The following MAP3K20 variants were observed in gnomAD, a reference collection of about 807,000 sequenced individuals.
The protein encoded by MAP3K20 is HCCS-4.
MAP3K20 carries 40 observed loss-of-function variants against 85.7 expected under a neutral mutation model. That is an observed-to-expected ratio of 0.47 (90% CI 0.36 to 0.61). The LOEUF (loss-of-function observed/expected upper bound fraction) is 0.61, where lower values mean the gene tolerates loss of function less well. Ranked by LOEUF, MAP3K20 falls within the 20% of genes least tolerant of loss-of-function variation. The pLI, the probability that MAP3K20 is intolerant of heterozygous loss-of-function variation, is 0.00. For synonymous variants in MAP3K20, 325 were observed against 327.7 expected (o/e 0.99, Z 0.09); for missense variants, 817 against 961.7 (o/e 0.85, Z 1.99).
At chr2:173,173,477 A>G (rs1690067374) in intron 3 of MAP3K20, among the ~76,000 whole-genome samples, 1 of 152,252 alleles carries the variant, frequency 6.6e-6, no homozygotes, top group African/African-American at 2.4e-5. Flanking sequence ...TTACTCGTCT[A>G]AGAGAGGAGA....
At chr2:173,178,446 C>T (rs1417322368) in intron 3 of MAP3K20, among the ~76,000 whole-genome samples, 1 of 152,136 alleles carries the variant, frequency 6.6e-6, no homozygotes, top group East Asian at 1.9e-4. Flanking sequence ...GAGTTCGAGA[C>T]CAGCCTGGCC....
chr2:173,261,359 G>A (rs1685288140), intron 18 of MAP3K20, among the ~76,000 whole-genome samples: 2 of 152,198 alleles, frequency 1.3e-5, no homozygotes, highest in African/African-American at 2.4e-5. Flanking sequence ...AGCGACTGAG[G>A]TAGTACTTCA....
chr2:173,145,412 C>CTCCT (rs1040717590), intron 2 of MAP3K20, among the ~76,000 whole-genome samples: 2 of 152,122 alleles, frequency 1.3e-5, no homozygotes, highest in Non-Finnish European at 2.9e-5. Flanking sequence ...ATTTAAAGAA[C>CTCCT]TCCTGCAAGT....
intron 2 of MAP3K20, among the ~76,000 whole-genome samples, chr2:173,096,011 C>A (rs1212371935): frequency 6.6e-6 from 1 of 152,148 alleles, no homozygotes; most frequent in African/African-American, 2.4e-5. Flanking sequence ...TAAATATTTG[C>A]ATACCTACCA....
chr2:173,122,088 T>C (rs573720638), intron 2 of MAP3K20, among the ~76,000 whole-genome samples: 1 of 152,378 alleles, frequency 6.6e-6, no homozygotes, highest in South Asian at 2.1e-4. Context: ...TACAATCTTC[T>C]TCTATTCAAG....
At chr2:173,109,594 A>G (rs1222191937) in intron 2 of MAP3K20, among the ~76,000 whole-genome samples, 1 of 152,176 alleles carries the variant, frequency 6.6e-6, no homozygotes, top group Non-Finnish European at 1.5e-5. Flanking sequence ...GTATAAAGAA[A>G]GAAGTATTTC....
intron 2 of MAP3K20, among the ~76,000 whole-genome samples, chr2:173,103,245 G>T (rs1205288091): frequency 6.6e-6 from 1 of 152,042 alleles, no homozygotes; most frequent in African/African-American, 2.4e-5. Flanking sequence ...GTAAAGCCTA[G>T]GCCTCTAAGT....
At chr2:173,153,438 T>A (rs1332559334) in intron 2 of MAP3K20, among the ~76,000 whole-genome samples, 1 of 152,210 alleles carries the variant, frequency 6.6e-6, no homozygotes, top group East Asian at 1.9e-4. Flanking sequence ...ATTTAGTAGG[T>A]TGATCATTTC....
chr2:173,223,012 G>A lies in MAP3K20; in HGVS notation c.987+5762G>A, dbSNP rs552853702. 55 of 985,354 alleles carry A rather than the reference G, an allele frequency of 5.6e-5. No individual in the cohort carries two copies. In the South Asian group the frequency reaches 2.1e-3, roughly 38 times the overall value. The allele number at this position is 985,354 out of a possible 1,614,324, so 61.0% of individuals were successfully genotyped here. ...GTCTTTTTATGGAAGTTTAAAGAAA[G>A]GACATCATCATAGATATGATCTAAC... On this transcript the variant is annotated intron_variant, in intron 11 of 19. Coordinates refer to ENST00000375213, the MANE Select transcript of MAP3K20 (RefSeq NM_016653.3).
intron 2 of MAP3K20, among the ~76,000 whole-genome samples, chr2:173,100,941 C>A (rs952599221): frequency 6.6e-6 from 1 of 152,140 alleles, no homozygotes; most frequent in African/African-American, 2.4e-5. Context: ...ATTTCTGTTA[C>A]TGGGAGCTTG....
rs1158534670 is a variant in MAP3K20 at position 173,134,405 on chromosome 2, T to C, written c.160-35400T>C. 1.6e-3 allele frequency among the ~76,000 whole-genome samples: 16 copies of C among 9,716 alleles called. 1 individual carries two copies. The highest frequency in any genetic ancestry group is 2.4e-3 in the African/African-American group (7 of 2,974). 6.4% of individuals were successfully genotyped at this position (9,716 alleles called of 152,430 possible). A position where few individuals can be genotyped will look rare whatever the true frequency, so the allele number is the denominator to read the frequency against. On this transcript the variant is annotated intron_variant, in intron 2 of 19. Transcript: ENST00000375213. ...GTGTGTCTCTATACATATATATATA[T>C]ATATATATATATATATATATATATT...
chr2:173,249,017 T>C (rs1232887027), intron 16 of MAP3K20, among the ~76,000 whole-genome samples: 3 of 152,192 alleles, frequency 2.0e-5, no homozygotes, highest in African/African-American at 7.2e-5. Flanking sequence ...TGGATCACCA[T>C]TGTCTCATTT....
At chr2:173,093,327 T>C (rs996595374) in intron 2 of MAP3K20, among the ~76,000 whole-genome samples, 2 of 152,188 alleles carry the variant, frequency 1.3e-5, no homozygotes, top group African/African-American at 4.8e-5. Context: ...TTAGAAGCAA[T>C]GGAACACTTA....
intron 2 of MAP3K20, among the ~76,000 whole-genome samples, chr2:173,100,887 A>G (rs1559231055): frequency 6.6e-6 from 1 of 152,202 alleles, no homozygotes; most frequent in African/African-American, 2.4e-5. Flanking sequence ...ATCCGGAAGT[A>G]TATGTTGAAT....
At chr2:173,158,020 G>C (rs1689530965) in intron 2 of MAP3K20, among the ~76,000 whole-genome samples, 1 of 152,198 alleles carries the variant, frequency 6.6e-6, no homozygotes, top group South Asian at 2.1e-4. Flanking sequence ...CTGATGATAA[G>C]CAGGGCTTTG....
chr2:173,218,391 A>G (rs1473519413), intron 11 of MAP3K20, among the ~76,000 whole-genome samples: 1 of 152,264 alleles, frequency 6.6e-6, no homozygotes, highest in Non-Finnish European at 1.5e-5. Context: ...GGGAATTCCA[A>G]AATGAATTGA....
At chr2:173,124,469 C>A (rs1688384980) in intron 2 of MAP3K20, among the ~76,000 whole-genome samples, 1 of 151,924 alleles carries the variant, frequency 6.6e-6, no homozygotes, top group Non-Finnish European at 1.5e-5. Flanking sequence ...GATGATGGGG[C>A]GGTGGGGGTT....
chr2:173,118,809 G>A (rs921741810), intron 2 of MAP3K20, among the ~76,000 whole-genome samples: 1 of 151,968 alleles, frequency 6.6e-6, no homozygotes, highest in Non-Finnish European at 1.5e-5. Flanking sequence ...TCTTTCACTC[G>A]AGAAATTACA....
intron 1 of MAP3K20, among the ~76,000 whole-genome samples, chr2:173,076,589 A>G (rs1686869266): frequency 6.6e-6 from 1 of 152,260 alleles, no homozygotes; most frequent in Non-Finnish European, 1.5e-5. Flanking sequence ...TCCTCACACA[A>G]TTAGGCCATG....
Sources: gnomAD v4.1 joint callset for allele counts (sites outside exome capture counted in the v4.1 genomes callset) on GRCh38, gnomAD v4.1.1 for gene constraint, MANE v1.5 for transcripts, NCBI Gene and HGNC (gene_info 2026-07-23, HGNC 2026-07-21) for gene names.